The following FNDC3B variants were observed in gnomAD, a reference collection of about 807,000 sequenced individuals.
FNDC3B encodes the protein fibronectin type III domain-containing protein 3B.
In FNDC3B, 12 loss-of-function variants were observed where a neutral mutation model predicts 151.5. The ratio of observed to expected loss-of-function variants is 0.08; its 90% confidence interval spans 0.05 to 0.13. The LOEUF is 0.13. Ranked by LOEUF, FNDC3B falls within the 10% of genes least tolerant of loss-of-function variation. FNDC3B has a pLI of 1.00. For synonymous variants in FNDC3B, 528 were observed against 549.0 expected (o/e 0.96, Z 0.54); for missense variants, 1,214 against 1,505.3 (o/e 0.81, Z 3.20).
intron 11 of FNDC3B, among the ~76,000 whole-genome samples, chr3:172,318,438 T>A (rs1323880424): frequency 6.6e-6 from 1 of 152,224 alleles, no homozygotes; most frequent in East Asian, 1.9e-4. Flanking sequence ...AAGAGATCAA[T>A]TAATCAGACT....
intron 1 of FNDC3B, among the ~76,000 whole-genome samples, chr3:172,104,908 C>T (rs1380071988): frequency 6.6e-6 from 1 of 152,146 alleles, no homozygotes; most frequent in African/African-American, 2.4e-5. Context: ...TGCTGAAAGG[C>T]TAGAAATGAC....
At position 172,295,421 on chromosome 3, in the gene FNDC3B, C is replaced by T; in HGVS notation, c.908C>T (p.Ser303Phe). The change falls in exon 8 of 26, where the codon TCC becomes TTC. Residue 303 changes from serine to phenylalanine, a missense_variant. By Grantham distance (155) the Ser-to-Phe change is radical. This residue lies in a region of FNDC3B where 156 missense variants were observed against 225.3 expected (regional missense o/e 0.69). Transcript: ENST00000415807. ...TCCTGGGCTCCCCCTGTTGGACTTT[C>T]CTGTGGACCCCACAGTGGTCTTTCC... ...VLSWAPPVGL[S>F]CGPHSGLSFP... 6.2e-7 allele frequency: 1 copy of T among 1,613,948 alleles called. No homozygotes were observed. The highest frequency in any genetic ancestry group is 8.5e-7 in the Non-Finnish European group (1 of 1,179,810).
intron 7 of FNDC3B, among the ~76,000 whole-genome samples, chr3:172,286,640 G>C (rs987261499): frequency 6.6e-6 from 1 of 152,106 alleles, no homozygotes; most frequent in Admixed American, 6.5e-5. Context: ...CATGCCTCAG[G>C]GTACATAGTT....
chr3:172,319,919 A>G (rs1226388623), intron 11 of FNDC3B, among the ~76,000 whole-genome samples: 2 of 152,158 alleles, frequency 1.3e-5, no homozygotes, highest in African/African-American at 4.8e-5. Context: ...GAACTATACT[A>G]TTAACAGAGA....
In FNDC3B at chr3:172,108,587, C is replaced by A. The variant is rs543378451; in HGVS notation, c.-28-3865C>A. 2.0e-5 allele frequency among the ~76,000 whole-genome samples: 3 copies of A among 152,340 alleles called. No individual in the cohort carries two copies. In the East Asian group the frequency reaches 5.8e-4, roughly 29 times the overall value. On this transcript the variant is annotated intron_variant, in intron 1 of 25. Coordinates refer to ENST00000415807, the MANE Select transcript of FNDC3B (RefSeq NM_022763.4). ...TACTGGTTAAAACAGAGGAGGTTCA[C>A]TTTTGGGTTGCTGTGACTATAGAGT... is the stretch of plus-strand genomic sequence containing the variant.
At position 172,262,894 on chromosome 3, in the gene FNDC3B, C is replaced by CAAA. The variant is rs67891835; in HGVS notation, c.790+11379_790+11381dup. The stretch of plus-strand genomic sequence containing the variant: ...CCTAGATGACAGAGTGAGACCGACT[C>CAAA]AAAAAAAAAAAAAAAAAAAAAAAAA... On this transcript the variant is annotated intron_variant, in intron 6 of 25. Transcript: ENST00000415807. Among the ~76,000 whole-genome samples the CAAA allele has an allele frequency of 9.2e-3, 556 of 60,592 alleles. 48 individuals carry two copies. The highest frequency in any genetic ancestry group is 0.012 in the Non-Finnish European group (399 of 33,588). 39.8% of individuals were successfully genotyped at this position (60,592 alleles called of 152,430 possible).
At chr3:172,075,217 G>T (rs1379704732) in intron 1 of FNDC3B, among the ~76,000 whole-genome samples, 1 of 152,046 alleles carries the variant, frequency 6.6e-6, no homozygotes, top group Non-Finnish European at 1.5e-5. Flanking sequence ...TTATATCAAA[G>T]AATTTTAAAT....
chr3:172,046,134 C>T (rs889286337), intron 1 of FNDC3B, among the ~76,000 whole-genome samples: 11 of 152,020 alleles, frequency 7.2e-5, no homozygotes, highest in Admixed American at 1.3e-4. Context: ...CACATAAGAT[C>T]GATAGACAGT....
rs932200868 is a variant in FNDC3B at position 172,253,729 on chromosome 3, T to A, written c.790+2188T>A. Among the ~76,000 whole-genome samples the A allele has an allele frequency of 3.3e-5, 5 of 152,230 alleles. No individual in the cohort carries two copies. The East Asian group carries it at 7.7e-4, about 23-fold the overall frequency. ...GTGTTTTTTGTTTTTGTTTTTTTTATGTAATGTTTTACTTAGGTTAAGTTG... is the reference window on the plus strand; with the variant it reads ...GTGTTTTTTGTTTTTGTTTTTTTTAAGTAATGTTTTACTTAGGTTAAGTTG... On this transcript the variant is annotated intron_variant, in intron 6 of 25. Transcript: ENST00000415807.
At chr3:172,241,917 C>T (rs562024138) in intron 4 of FNDC3B, among the ~76,000 whole-genome samples, 26 of 152,328 alleles carry the variant, frequency 1.7e-4, no homozygotes, top group Middle Eastern at 3.4e-3. Flanking sequence ...TACCTATCTG[C>T]CTATAAGCCT....
At chr3:172,250,463 C>T (rs914713769) in intron 5 of FNDC3B, among the ~76,000 whole-genome samples, 5 of 152,288 alleles carry the variant, frequency 3.3e-5, no homozygotes, top group African/African-American at 1.2e-4. Context: ...TTGTATGCCA[C>T]AGAAAACTTT....
chr3:172,360,200 T>C (rs1327002250), intron 22 of FNDC3B, among the ~76,000 whole-genome samples: 1 of 152,226 alleles, frequency 6.6e-6, no homozygotes, highest in Non-Finnish European at 1.5e-5. Context: ...TGCATTTTTC[T>C]AATGGCTAAT....
intron 7 of FNDC3B, among the ~76,000 whole-genome samples, chr3:172,292,880 C>T (rs568029176): frequency 1.3e-5 from 2 of 152,194 alleles, no homozygotes; most frequent in Non-Finnish European, 2.9e-5. Context: ...AGAAACAACA[C>T]ACAAATAACC....
chr3:172,127,713 T>C (rs1345386449), intron 2 of FNDC3B, among the ~76,000 whole-genome samples: 1 of 152,204 alleles, frequency 6.6e-6, no homozygotes, highest in Non-Finnish European at 1.5e-5. Flanking sequence ...TGAGACAGTC[T>C]CACTGTGTTG....
At chr3:172,069,403 A>G (rs1180125791) in intron 1 of FNDC3B, among the ~76,000 whole-genome samples, 1 of 152,240 alleles carries the variant, frequency 6.6e-6, no homozygotes, top group Non-Finnish European at 1.5e-5. Context: ...GCCACTAAAT[A>G]TCTCTATTAA....
intron 3 of FNDC3B, among the ~76,000 whole-genome samples, chr3:172,165,081 A>T (rs1477854162): frequency 6.6e-6 from 1 of 152,202 alleles, no homozygotes; most frequent in Non-Finnish European, 1.5e-5. Context: ...TGGCACGATC[A>T]TGGCTCACTG....
chr3:172,232,172 C>T (rs1220275955), intron 4 of FNDC3B, among the ~76,000 whole-genome samples: 1 of 152,080 alleles, frequency 6.6e-6, no homozygotes, highest in African/African-American at 2.4e-5. Context: ...TGAGCCACCA[C>T]ACCCTGCCAG....
chr3:172,362,390 A>G (rs1734410696), intron 22 of FNDC3B, among the ~76,000 whole-genome samples: 1 of 151,806 alleles, frequency 6.6e-6, no homozygotes, highest in African/African-American at 2.4e-5. Flanking sequence ...TTTTAAATTA[A>G]AGAACTAAGA....
chr3:172,130,822 T>C (rs1266354846), intron 2 of FNDC3B, among the ~76,000 whole-genome samples: 1 of 152,186 alleles, frequency 6.6e-6, no homozygotes, highest in African/African-American at 2.4e-5. Flanking sequence ...AGAGAAAATC[T>C]AGGACATAGA....
Sources: gnomAD v4.1 joint callset for allele counts (sites outside exome capture counted in the v4.1 genomes callset) on GRCh38, gnomAD v4.1.1 for gene constraint, gnomAD v4.1.1 regional missense constraint, MANE v1.5 for transcripts, NCBI Gene and HGNC (gene_info 2026-07-23, HGNC 2026-07-21) for gene names.